Variants in VAX1 observed in about 807,000 individuals in gnomAD.
VAX1 encodes the protein ventral anterior homeobox 1.
A neutral mutation model predicts 17.6 loss-of-function variants in VAX1; 6 were observed. That is an observed-to-expected ratio of 0.34 (90% CI 0.19 to 0.67). VAX1 has a LOEUF of 0.67. VAX1 is among the 30% of genes least tolerant of loss of function. The pLI, the probability that VAX1 is intolerant of heterozygous loss-of-function variation, is 0.69. For missense variants in VAX1, 408 were observed against 463.7 expected (o/e 0.88, Z 1.10); for synonymous variants, 256 against 227.4 (o/e 1.13, Z -1.13).
rs1216442294 is a variant in VAX1, at chr10:117,137,452, C to G, written c.241+364G>C. On this transcript the variant is annotated intron_variant, in intron 1 of 2. Coordinates refer to ENST00000369206, the MANE Select transcript of VAX1 (RefSeq NM_001112704.2). The surrounding 1 kb of genome is among the most constrained non-coding windows in gnomAD (Gnocchi z 7.4). ...TCAGCCCTCCAGAGCGCGGGAGTCC[C>G]CTGGCCGGCTCCCGGCAGGTCGTCC... Among the ~76,000 whole-genome samples the G allele has an allele frequency of 2.6e-5, 4 of 152,228 alleles. No homozygotes were observed. The East Asian group carries it at 7.7e-4, about 29-fold the overall frequency.
Position 117,138,257 on chromosome 10 carries a change from G to T in VAX1, c.-201C>A. ...CTTCGGCGGCCGCGCGCGGGTCAGC[G>T]GCGACGGGAGAGTGGCGCGCTCGCC... On this transcript the variant is annotated 5_prime_UTR_variant, in exon 1 of 3. Transcript: ENST00000369206. 1 of 667,238 alleles carries T rather than the reference G, an allele frequency of 1.5e-6. No homozygotes were observed. Among genetic ancestry groups the T allele is most frequent in the South Asian group, 2.0e-5 (1 of 50,884 alleles). 41.3% of individuals were successfully genotyped at this position (667,238 alleles called of 1,614,324 possible). A position where few individuals can be genotyped will look rare whatever the true frequency, so the allele number is the denominator to read the frequency against.
downstream of VAX1, among the ~76,000 whole-genome samples, chr10:117,132,695 G>A (rs555987991): frequency 3.3e-5 from 5 of 152,194 alleles, no homozygotes; most frequent in East Asian, 5.8e-4. This position sits in a 1 kb window ranked among gnomAD's most constrained non-coding sequence, Gnocchi z 4.9. Context: ...AAGGAAAGAG[G>A]GTGTCGCGGT....
At chr10:117,131,834 T>G, downstream of VAX1, 1 of 201,164 alleles carries the variant, frequency 5.0e-6, no homozygotes, top group Non-Finnish European at 9.9e-6. Context: ...AAGTTTCTCT[T>G]TGACGATGGC....
chr10:117,137,324 C>T lies in VAX1; in HGVS notation c.241+492G>A, dbSNP rs371927320. Among the ~76,000 whole-genome samples the T allele has an allele frequency of 9.2e-5, 14 of 152,114 alleles. No homozygotes were observed. In the East Asian group the frequency reaches 2.3e-3, roughly 25 times the overall value. ...CTCTCCCGGCGGCAGCGGTCGGGCA[C>T]CGATCGCGGCCGTGGGGTCCTCGGC... On this transcript the variant is annotated intron_variant, in intron 1 of 2. Coordinates refer to ENST00000369206, the MANE Select transcript of VAX1 (RefSeq NM_001112704.2). The surrounding 1 kb of genome is among the most constrained non-coding windows in gnomAD (Gnocchi z 7.4).
At position 117,134,320 on chromosome 10, in the gene VAX1, G is replaced by GGCGGCGGCT. The variant is rs1455706624; in HGVS notation, c.684_692dup (p.Ala231_Ala233dup). 855 of 1,046,902 alleles carry GGCGGCGGCT rather than the reference G, an allele frequency of 8.2e-4. 7 individuals are homozygous for GGCGGCGGCT. The African/African-American group carries it at 0.013, about 16-fold the overall frequency. The allele number at this position is 1,046,902 out of a possible 1,614,324, so 64.9% of individuals were successfully genotyped here. A position where few individuals can be genotyped will look rare whatever the true frequency, so the allele number is the denominator to read the frequency against. On this transcript the variant is annotated inframe_insertion, in exon 3 of 3. Transcript: ENST00000369206. The surrounding 1 kb of genome is among the most constrained non-coding windows in gnomAD (Gnocchi z 6.2). ...CAGCGCCCGCTGGGCCCGGGGCGGC[G>GGCGGCGGCT]GCGGCGGCTGCGGCGGCCGAGCCTG...
At position 117,134,258 on chromosome 10, in the gene VAX1, C is replaced by A; in HGVS notation, c.755G>T (p.Gly252Val). The A allele has an allele frequency of 1.5e-6, 2 of 1,349,340 alleles. No individual in the cohort carries two copies. The highest frequency in any genetic ancestry group is 1.9e-6 in the Non-Finnish European group (2 of 1,059,892). The allele number at this position is 1,349,340 out of a possible 1,614,324, so 83.6% of individuals were successfully genotyped here. A position where few individuals can be genotyped will look rare whatever the true frequency, so the allele number is the denominator to read the frequency against. ...PHPPAVGGAP[G>V]PGPAGPGGLH... ...TCCCCCCGGCCCGGCGGGCCCGGGACCTGGAGCACCGCCCACAGCCGGCGG... is the reference window on the plus strand; with the variant it reads ...TCCCCCCGGCCCGGCGGGCCCGGGAACTGGAGCACCGCCCACAGCCGGCGG... Residue 252 changes from glycine to valine, a missense_variant, in exon 3 of 3, where the codon GGT becomes GTT. By Grantham distance (109) the Gly-to-Val change is moderately radical (BLOSUM62 -3). Around this residue, in one of 4 missense-constraint regions of VAX1, gnomAD observed 196 missense variants for 218.7 expected, o/e 0.90. Transcript: ENST00000369206. This position sits in a 1 kb window ranked among gnomAD's most constrained non-coding sequence, Gnocchi z 6.2.
rs1364779012 is a variant in VAX1 at position 117,134,593 on chromosome 10, G to A, written c.430-10C>T. The stretch of plus-strand genomic sequence containing the variant: ...GGAACCAGACCTTCACCTGCGCGCC[G>A]GGGTGCGGGGAGAGTTGGAGAGAGG... On this transcript the variant is annotated splice_polypyrimidine_tract_variant and intron_variant, in intron 2 of 2. Transcript: ENST00000369206. The surrounding 1 kb of genome is among the most constrained non-coding windows in gnomAD (Gnocchi z 6.2). The A allele has an allele frequency of 7.3e-6, 11 of 1,515,118 alleles. No homozygotes were observed. The highest frequency in any genetic ancestry group is 1.7e-4 in the Middle Eastern group (1 of 5,898). The allele number at this position is 1,515,118 out of a possible 1,614,324, so 93.9% of individuals were successfully genotyped here. A position where few individuals can be genotyped will look rare whatever the true frequency, so the allele number is the denominator to read the frequency against.
In VAX1 at chr10:117,136,932, C is replaced by T. The variant is rs1159730496; in HGVS notation, c.242-273G>A. Among the ~76,000 whole-genome samples the T allele has an allele frequency of 6.6e-6, 1 of 152,226 alleles. No individual in the cohort carries two copies. Among genetic ancestry groups the T allele is most frequent in the Non-Finnish European group, 1.5e-5 (1 of 68,038 alleles). The stretch of plus-strand genomic sequence containing the variant: ...AAAAATCCAATCAATTCCACATAGG[C>T]GGACGTTTCTTCCGGCCTGGGGGGG... On this transcript the variant is annotated intron_variant, in intron 1 of 2. Transcript: ENST00000369206. This position sits in a 1 kb window ranked among gnomAD's most constrained non-coding sequence, Gnocchi z 5.0.
At chr10:117,132,811 A>G (rs1379209503), downstream of VAX1, among the ~76,000 whole-genome samples, 1 of 152,108 alleles carries the variant, frequency 6.6e-6, no homozygotes, top group Non-Finnish European at 1.5e-5. The surrounding 1 kb of genome is among the most constrained non-coding windows in gnomAD (Gnocchi z 4.9). Context: ...GACTACTGCT[A>G]GAGGAGGCCC....
rs1165332222 is a variant in VAX1 at position 117,134,203 on chromosome 10, G to A, written c.810C>T (p.His270=). 6.8e-7 allele frequency: 1 copy of A among 1,480,646 alleles called. No homozygotes were observed. Among genetic ancestry groups the A allele is most frequent in the Non-Finnish European group, 8.9e-7 (1 of 1,120,102 alleles). 91.7% of individuals were successfully genotyped at this position (1,480,646 alleles called of 1,614,324 possible). A position where few individuals can be genotyped will look rare whatever the true frequency, so the allele number is the denominator to read the frequency against. The part of the protein sequence containing the change: ...GLHAGAPAAG[H]SLFSLPVPSL... ...AGGGCACCGGCAGGCTGAAGAGGCT[G>A]TGGCCCGCGGCCGGGGCGCCTGCGT... Residue 270 remains histidine (H), a synonymous_variant, in exon 3 of 3, where the codon CAC becomes CAT. Coordinates refer to ENST00000369206, the MANE Select transcript of VAX1 (RefSeq NM_001112704.2). The surrounding 1 kb of genome is among the most constrained non-coding windows in gnomAD (Gnocchi z 6.2).
chr10:117,131,978 C>T (rs932666541), downstream of VAX1: 4 of 496,216 alleles, frequency 8.1e-6, no homozygotes, highest in Non-Finnish European at 1.1e-5. Context: ...GAGGCAGAGA[C>T]TTTATAGTGC....
chr10:117,133,903 G>A lies in VAX1; in HGVS notation c.*105C>T. ...AAGGAGAGCTGTCAGAGGCCTGGTG[G>A]GAGCCAGGAGCCCAGCGCAGGAGCT... is the stretch of plus-strand genomic sequence containing the variant. On this transcript the variant is annotated 3_prime_UTR_variant, in exon 3 of 3. Coordinates refer to ENST00000369206, the MANE Select transcript of VAX1 (RefSeq NM_001112704.2). The A allele has an allele frequency of 4.2e-6, 6 of 1,414,874 alleles. No homozygotes were observed. The highest frequency in any genetic ancestry group is 5.5e-6 in the Non-Finnish European group (6 of 1,091,186). 87.6% of individuals were successfully genotyped at this position (1,414,874 alleles called of 1,614,324 possible). A position where few individuals can be genotyped will look rare whatever the true frequency, so the allele number is the denominator to read the frequency against.
chr10:117,132,676 G>A (rs1854105274), downstream of VAX1, among the ~76,000 whole-genome samples: 1 of 152,202 alleles, frequency 6.6e-6, no homozygotes, highest in Non-Finnish European at 1.5e-5. This position sits in a 1 kb window ranked among gnomAD's most constrained non-coding sequence, Gnocchi z 4.9. Flanking sequence ...GATCGCCGCT[G>A]CGCAGGGTAA....
chr10:117,132,330 C>A, downstream of VAX1: 1 of 1,612,240 alleles, frequency 6.2e-7, no homozygotes, highest in Non-Finnish European at 8.5e-7. This position sits in a 1 kb window ranked among gnomAD's most constrained non-coding sequence, Gnocchi z 4.9. Context: ...AAATACACCT[C>A]ATTTATCATC....
chr10:117,129,102 A>C (rs1854052288), downstream of VAX1: 2 of 152,268 alleles, frequency 1.3e-5, no homozygotes, highest in Admixed American at 1.3e-4. Flanking sequence ...CTGTGGATTA[A>C]TTTGTTTAAC....
At position 117,133,573 on chromosome 10, in the gene VAX1, C is replaced by T; in HGVS notation, c.*435G>A. 3.0e-6 allele frequency: 3 copies of T among 987,122 alleles called. No homozygotes were observed. Among genetic ancestry groups the T allele is most frequent in the Non-Finnish European group, 3.6e-6 (3 of 831,152 alleles). The allele number at this position is 987,122 out of a possible 1,614,324, so 61.1% of individuals were successfully genotyped here. A position where few individuals can be genotyped will look rare whatever the true frequency, so the allele number is the denominator to read the frequency against. On this transcript the variant is annotated 3_prime_UTR_variant, in exon 3 of 3. Transcript: ENST00000369206. ...TTGGTCTAAAGAAACCTGGAAGCCC[C>T]TGGGGTCTGCGCGCAGTTTTCCTCT...
downstream of VAX1, chr10:117,129,042 A>G (rs545893323): frequency 3.9e-5 from 6 of 152,264 alleles, no homozygotes; most frequent in Non-Finnish European, 8.8e-5. Context: ...AAATGGTGTT[A>G]AATTACAATA....
Position 117,136,605 on chromosome 10 carries a change from C to A in VAX1, c.296G>T (p.Arg99Leu). 1 of 1,613,572 alleles carries A rather than the reference C, an allele frequency of 6.2e-7. No homozygotes were observed. The highest frequency in any genetic ancestry group is 8.5e-7 in the Non-Finnish European group (1 of 1,179,854). Reference sequence around the variant, plus strand: ...GAAGGACGTGCGCGTCCTCTTAGGCCGGTCCAAGTCCAGGCCCTTGGGCAG... The same window carrying A: ...GAAGGACGTGCGCGTCCTCTTAGGCAGGTCCAAGTCCAGGCCCTTGGGCAG... ...IILPKGLDLD[R>L]PKRTRTSFTA... The change falls in exon 2 of 3, where the codon CGG becomes CTG. Residue 99 changes from arginine (R) to leucine (L), a missense_variant. This residue lies in a region of VAX1 where 75 missense variants were observed against 116.1 expected (regional missense o/e 0.65). Coordinates refer to ENST00000369206, the MANE Select transcript of VAX1 (RefSeq NM_001112704.2). The surrounding 1 kb of genome is among the most constrained non-coding windows in gnomAD (Gnocchi z 5.0).
Position 117,136,697 on chromosome 10 carries a change from GT to G in VAX1, c.242-39del. ...AGATGTCAGCCGCCAGAACCCTCCCGTCCCCCTCCACCTCCTTGGCCCGAGC... is the reference window on the plus strand; with the variant it reads ...AGATGTCAGCCGCCAGAACCCTCCCGCCCCCTCCACCTCCTTGGCCCGAGC... On this transcript the variant is annotated intron_variant, in intron 1 of 2. Coordinates refer to ENST00000369206, the MANE Select transcript of VAX1 (RefSeq NM_001112704.2). This position sits in a 1 kb window ranked among gnomAD's most constrained non-coding sequence, Gnocchi z 5.0. The G allele has an allele frequency of 1.3e-6, 2 of 1,586,498 alleles. No individual in the cohort carries two copies. Among genetic ancestry groups the G allele is most frequent in the Non-Finnish European group, 1.7e-6 (2 of 1,161,516 alleles).
Sources: gnomAD v4.1 joint callset for allele counts (sites outside exome capture counted in the v4.1 genomes callset) on GRCh38, gnomAD v4.1.1 for gene constraint, gnomAD v4.1.1 regional missense constraint, Gnocchi (gnomAD v3.1) non-coding constraint, MANE v1.5 for transcripts, NCBI Gene and HGNC (gene_info 2026-07-23, HGNC 2026-07-21) for gene names.